The following SALL3 variants were observed in gnomAD, a reference collection of about 807,000 sequenced individuals.
SALL3 encodes spalt like transcription factor 3.
In SALL3, 25 loss-of-function variants were observed where a neutral mutation model predicts 66.2. The ratio of observed to expected loss-of-function variants is 0.38; its 90% CI spans 0.28 to 0.53. The LOEUF is 0.53. Among genes scored for constraint, SALL3 ranks in the 20% least tolerant of loss-of-function variants. The pLI, the probability that SALL3 is intolerant of heterozygous loss-of-function variation, is 0.85. For missense variants in SALL3, 2,194 were observed against 1,916.5 expected, an observed-to-expected ratio of 1.14 and a Z score of -2.70; for synonymous variants, 1,152 against 899.1, an observed-to-expected ratio of 1.28 and a Z score of -5.03.
In SALL3 at chr18:78,997,000, A is replaced by G. The variant is rs1348031145; in HGVS notation, c.3581A>G (p.Glu1194Gly). 3.7e-6 allele frequency: 6 copies of G among 1,614,152 alleles called. No individual in the cohort carries two copies. The highest frequency in any genetic ancestry group is 5.1e-6 in the Non-Finnish European group (6 of 1,180,040). ...GGGGGTGATGCCCTGAAGTTCTCTGAAATGTTCCAGAAGGACCTGGCAGCT... is the reference window on the plus strand; with the variant it reads ...GGGGGTGATGCCCTGAAGTTCTCTGGAATGTTCCAGAAGGACCTGGCAGCT... ...LLGGDALKFS[E>G]MFQKDLAARA... Residue 1194 changes from glutamate (E) to glycine (G), a missense_variant, in exon 3 of 3, where the codon GAA (glutamate) becomes GGA (glycine). Transcript: ENST00000537592.
chr18:78,994,760 CGCCCCGGAGGA>C lies in SALL3; in HGVS notation c.2775_2785del (p.Glu926GlyfsTer44). ...TCCGCTCCAAGTCCCCGGGCCTGGG[CGCCCCGGAGGA>C]GCCCCAGGAAATCCCGCTCAAGACC... is the stretch of plus-strand genomic sequence containing the variant. On this transcript the variant is annotated frameshift_variant, in exon 2 of 3. Coordinates refer to ENST00000537592, the MANE Select transcript of SALL3 (RefSeq NM_171999.4). LOFTEE classifies it high-confidence loss of function. The C allele has an allele frequency of 6.2e-7, 1 of 1,600,258 alleles. No individual in the cohort carries two copies. The highest frequency in any genetic ancestry group is 8.5e-7 in the Non-Finnish European group (1 of 1,177,716).
chr18:78,994,571 C>G lies in SALL3; in HGVS notation c.2580C>G (p.Thr860=), dbSNP rs774562749. 1 of 1,611,852 alleles carries G rather than the reference C, an allele frequency of 6.2e-7. No individual in the cohort carries two copies. The highest frequency in any genetic ancestry group is 8.5e-7 in the Non-Finnish European group (1 of 1,179,442). The part of the protein sequence containing the change: ...IDSVMSCQQL[T]GLKSVENGSG... ...CGGTCATGAGCTGCCAGCAGCTGAC[C>G]GGCCTCAAGTCCGTGGAGAACGGGT... Residue 860 remains threonine (T), a synonymous_variant, in exon 2 of 3, where the codon ACC becomes ACG. Coordinates refer to ENST00000537592, the MANE Select transcript of SALL3 (RefSeq NM_171999.4).
rs1432522493 is a variant in SALL3 at position 78,992,144 on chromosome 18, C to T, written c.153C>T (p.Ser51=). ...GCCGCAGCGGGGGCGAGGAGACCAGCGTGTGCGAGAAATGCTGCGCCGAGT... is the reference window on the plus strand; with the variant it reads ...GCCGCAGCGGGGGCGAGGAGACCAGTGTGTGCGAGAAATGCTGCGCCGAGT... ...PESRSGGEET[S]VCEKCCAEFF... The change falls in exon 2 of 3, where the codon AGC becomes AGT. Residue 51 remains serine, a synonymous_variant. Transcript: ENST00000537592. 3.7e-6 allele frequency: 6 copies of T among 1,606,764 alleles called. No homozygotes were observed. The highest frequency in any genetic ancestry group is 1.7e-4 in the Middle Eastern group (1 of 6,046).
chr18:78,992,268 G>A lies in SALL3; in HGVS notation c.277G>A (p.Asp93Asn). 1.3e-6 allele frequency: 2 copies of A among 1,561,836 alleles called. No homozygotes were observed. Among genetic ancestry groups the A allele is most frequent in the Non-Finnish European group, 1.7e-6 (2 of 1,161,514 alleles). ...HEDAPAPPPE[D>N]FPEPSPASSP... ...GGACGCGCCCGCGCCGCCCCCCGAG[G>A]ACTTCCCCGAGCCTTCGCCCGCCAG... Residue 93 changes from aspartate (D) to asparagine (N), a missense_variant, in exon 2 of 3, where the codon GAC becomes AAC. Physicochemically the swap from Asp to Asn is conservative, Grantham distance 23. Coordinates refer to ENST00000537592, the MANE Select transcript of SALL3 (RefSeq NM_171999.4).
At chr18:78,984,728 C>G (rs1914182338) in intron 1 of SALL3, among the ~76,000 whole-genome samples, 1 of 152,006 alleles carries the variant, frequency 6.6e-6, no homozygotes, top group Admixed American at 6.6e-5. Context: ...CAGTCACATG[C>G]CAGAAAGTAT....
In SALL3 at chr18:78,995,014, C is replaced by T. The variant is rs760077198; in HGVS notation, c.3023C>T (p.Ala1008Val). Residue 1008 changes from alanine to valine, a missense_variant, in exon 2 of 3, where the codon GCG (alanine) becomes GTG (valine). By Grantham distance (64) the Ala-to-Val change is moderately conservative (BLOSUM62 0). Coordinates refer to ENST00000537592, the MANE Select transcript of SALL3 (RefSeq NM_171999.4). ...SHTKERPFVC[A>V]LCRRGCSTMG... is the part of the protein sequence containing the mutation. ...ACTAAGGAGCGGCCATTCGTCTGCG[C>T]GCTCTGCAGGCGAGGGTGCTCCACT... 3.7e-6 allele frequency: 6 copies of T among 1,613,868 alleles called. No individual in the cohort carries two copies. The highest frequency in any genetic ancestry group is 2.2e-5 in the South Asian group (2 of 91,086).
chr18:78,992,094 G>A lies in SALL3; in HGVS notation c.103G>A (p.Glu35Lys). 6.4e-7 allele frequency: 1 copy of A among 1,558,056 alleles called. No individual in the cohort carries two copies. Among genetic ancestry groups the A allele is most frequent in the East Asian group, 2.4e-5 (1 of 42,104 alleles). ...TGCAGCCGCCCCGGGGGAAGGTGCG[G>A]AGGACGCAGACAGCGGGCCCGAGAG... ...PEHAAPGEGAEDADSGPESRS... is the reference protein window; with the variant it reads ...PEHAAPGEGAKDADSGPESRS... The change falls in exon 2 of 3, where the codon GAG (glutamate) becomes AAG (lysine). Residue 35 changes from glutamate to lysine, a missense_variant. Physicochemically the swap from Glu to Lys is moderately conservative, Grantham distance 56. Coordinates refer to ENST00000537592, the MANE Select transcript of SALL3 (RefSeq NM_171999.4).
At chr18:78,984,309 G>C (rs1188741724) in intron 1 of SALL3, among the ~76,000 whole-genome samples, 1 of 152,220 alleles carries the variant, frequency 6.6e-6, no homozygotes, top group Non-Finnish European at 1.5e-5. Context: ...ATTCTTAAAA[G>C]TATTGGCACC....
At chr18:78,987,970 G>A (rs575708503) in intron 1 of SALL3, among the ~76,000 whole-genome samples, 54 of 152,172 alleles carry the variant, frequency 3.5e-4, no homozygotes, top group African/African-American at 1.2e-3. Flanking sequence ...TTTTTAATTC[G>A]CCCCTTAAAC....
chr18:78,990,139 G>C lies in SALL3; in HGVS notation c.83-1935G>C, dbSNP rs529899163. 3.3e-5 allele frequency among the ~76,000 whole-genome samples: 5 copies of C among 152,250 alleles called. No homozygotes were observed. In the South Asian group the frequency reaches 1.0e-3, roughly 32 times the overall value. On this transcript the variant is annotated intron_variant, in intron 1 of 2. Coordinates refer to ENST00000537592, the MANE Select transcript of SALL3 (RefSeq NM_171999.4). ...GATTTTGCATACATTGAGCAAAGTT[G>C]AGTACTTGGAGTATTTATTTTGCTA...
chr18:78,992,231 G>A lies in SALL3; in HGVS notation c.240G>A (p.Leu80=). ...QRSCTKLPPV[L]IVHEDAPAPP... is the part of the protein sequence containing the mutation. ...GCTGCACCAAGCTCCCGCCCGTGCT[G>A]ATCGTGCACGAGGACGCGCCCGCGC... Residue 80 remains leucine, a synonymous_variant, in exon 2 of 3, where the codon CTG becomes CTA. Coordinates refer to ENST00000537592, the MANE Select transcript of SALL3 (RefSeq NM_171999.4). The A allele has an allele frequency of 6.2e-7, 1 of 1,602,274 alleles. No individual in the cohort carries two copies. Among genetic ancestry groups the A allele is most frequent in the Non-Finnish European group, 8.5e-7 (1 of 1,176,708 alleles).
chr18:78,979,830 G>A lies in SALL3; in HGVS notation c.-445G>A, dbSNP rs1366178355. On this transcript the variant is annotated 5_prime_UTR_variant, in exon 1 of 3. Transcript: ENST00000537592. Reference sequence around the variant, plus strand: ...CCGGCGCGCCGGCGGAGACGGCGCCGCGCGGACGCCGCCAAAGTTTGCTGC... The same window carrying A: ...CCGGCGCGCCGGCGGAGACGGCGCCACGCGGACGCCGCCAAAGTTTGCTGC... Among the ~76,000 whole-genome samples, 1 of 144,814 alleles carries A rather than the reference G, an allele frequency of 6.9e-6. No homozygotes were observed. The highest frequency in any genetic ancestry group is 2.5e-5 in the African/African-American group (1 of 40,512).
In SALL3 at chr18:78,994,867, A is replaced by C. The variant is rs770585143; in HGVS notation, c.2876A>C (p.Glu959Ala). ...GAPGRAGIKE[E>A]APFSLLFLSR... is the part of the protein sequence containing the mutation. The stretch of plus-strand genomic sequence containing the variant: ...CCTGGCCGCGCGGGCATCAAGGAGG[A>C]GGCGCCCTTCAGCCTGCTGTTCCTG... Residue 959 changes from glutamate to alanine, a missense_variant, in exon 2 of 3, where the codon GAG becomes GCG. Transcript: ENST00000537592. The C allele has an allele frequency of 6.2e-7, 1 of 1,606,676 alleles. No homozygotes were observed. Among genetic ancestry groups the C allele is most frequent in the African/African-American group, 1.3e-5 (1 of 74,928 alleles).
In SALL3 at chr18:78,995,125, C is replaced by T. The variant is rs1426262814; in HGVS notation, c.3134C>T (p.Pro1045Leu). ...QLFDPNFALG[P>L]SQSTPSLISS... ...TTTGACCCCAACTTTGCTCTAGGTC[C>T]CAGCCAAAGCACTCCTAGCCTGATC... The change falls in exon 2 of 3, where the codon CCC becomes CTC. Residue 1045 changes from proline (P) to leucine (L), a missense_variant. Transcript: ENST00000537592. 1 of 1,613,838 alleles carries T rather than the reference C, an allele frequency of 6.2e-7. No homozygotes were observed. Among genetic ancestry groups the T allele is most frequent in the East Asian group, 2.2e-5 (1 of 44,872 alleles).
chr18:78,997,413 C>T lies in SALL3; in HGVS notation c.*91C>T, dbSNP rs1361031083. The T allele has an allele frequency of 1.4e-5, 18 of 1,310,080 alleles. No homozygotes were observed. The East Asian group carries it at 2.8e-4, about 20-fold the overall frequency. The allele number at this position is 1,310,080 out of a possible 1,614,324, so 81.2% of individuals were successfully genotyped here. Reference sequence around the variant, plus strand: ...CTTTCTTGCCTCGGTTCTCATTACACTTTCACCCATAGCAGAAAACACTTT... The same window carrying T: ...CTTTCTTGCCTCGGTTCTCATTACATTTTCACCCATAGCAGAAAACACTTT... On this transcript the variant is annotated 3_prime_UTR_variant, in exon 3 of 3. Transcript: ENST00000537592.
At position 78,992,985 on chromosome 18, in the gene SALL3, G is replaced by A. The variant is rs1195142851; in HGVS notation, c.994G>A (p.Ala332Thr). 5.6e-6 allele frequency: 8 copies of A among 1,437,564 alleles called. No homozygotes were observed. The highest frequency in any genetic ancestry group is 4.4e-5 in the African/African-American group (3 of 68,346). The allele number at this position is 1,437,564 out of a possible 1,614,324, so 89.1% of individuals were successfully genotyped here. A position where few individuals can be genotyped will look rare whatever the true frequency, so the allele number is the denominator to read the frequency against. Residue 332 changes from alanine to threonine, a missense_variant, in exon 2 of 3, where the codon GCA (alanine) becomes ACA (threonine). Coordinates refer to ENST00000537592, the MANE Select transcript of SALL3 (RefSeq NM_171999.4). ...CGCCCCGGCGCCAGCGCCGCAGAGCGCAGCCTCGTCGCAGCCGCAGAGCGC... is the reference window on the plus strand; with the variant it reads ...CGCCCCGGCGCCAGCGCCGCAGAGCACAGCCTCGTCGCAGCCGCAGAGCGC... ...APAPAPAPQS[A>T]ASSQPQSAST...
chr18:78,982,407 G>A (rs986773453), intron 1 of SALL3, among the ~76,000 whole-genome samples: 4 of 152,194 alleles, frequency 2.6e-5, no homozygotes, highest in African/African-American at 9.7e-5. Context: ...TTTGCAAGAG[G>A]CCCAAAATAC....
Position 78,994,266 on chromosome 18 carries a change from C to T in SALL3, c.2275C>T (p.Arg759Cys), listed in dbSNP as rs1333725716. 3 of 1,613,672 alleles carry T rather than the reference C, an allele frequency of 1.9e-6. No homozygotes were observed. The highest frequency in any genetic ancestry group is 1.6e-4 in the Middle Eastern group (1 of 6,084). Residue 759 changes from arginine to cysteine, a missense_variant, in exon 2 of 3, where the codon CGC (arginine) becomes TGC (cysteine). Physicochemically the swap from Arg to Cys is radical, Grantham distance 180. Transcript: ENST00000537592. ...CGCCGTGGTCCTGCAGCAGCACATC[C>T]GCATGCACATGGGCGGCCAGATCCC... Reference protein sequence around the residue: ...TNAVVLQQHIRMHMGGQIPNT... With the variant: ...TNAVVLQQHICMHMGGQIPNT...
In SALL3 at chr18:78,998,202, T is replaced by A. The variant is rs1263325697; in HGVS notation, c.*880T>A. 2 of 152,506 alleles carry A rather than the reference T, an allele frequency of 1.3e-5. No homozygotes were observed. The highest frequency in any genetic ancestry group is 2.9e-5 in the Non-Finnish European group (2 of 68,036). The allele number at this position is 152,506 out of a possible 1,614,324, so 9.4% of individuals were successfully genotyped here. ...TCAAAGCTGTACAATAAAAAGGTAA[T>A]GTTTGTATAATGTGGTTGCAAACTC... is the stretch of plus-strand genomic sequence containing the variant. On this transcript the variant is annotated 3_prime_UTR_variant, in exon 3 of 3. Coordinates refer to ENST00000537592, the MANE Select transcript of SALL3 (RefSeq NM_171999.4).
Sources: gnomAD v4.1 joint callset for allele counts (sites outside exome capture counted in the v4.1 genomes callset) on GRCh38, gnomAD v4.1.1 for gene constraint, MANE v1.5 for transcripts, NCBI Gene and HGNC (gene_info 2026-07-23, HGNC 2026-07-21) for gene names.